The following SMPD2 variants were observed in gnomAD, a reference collection of about 807,000 sequenced individuals.
SMPD2 encodes N-SMase.
Under a neutral mutation model 41.7 loss-of-function variants are expected in SMPD2, and 35 were observed. That is an observed-to-expected ratio of 0.84 (90% confidence interval 0.64 to 1.11). SMPD2 has a LOEUF of 1.11. Among genes scored for constraint, SMPD2 ranks in the 50% most tolerant of loss-of-function variants. The probability of loss-of-function intolerance (pLI) is 0.00; values close to 1 mark genes in which losing one functional copy is unlikely to be tolerated. For synonymous variants in SMPD2, 201 were observed against 208.2 expected, an observed-to-expected ratio of 0.97 and a Z score of 0.30; for missense variants, 520 against 524.8, an observed-to-expected ratio of 0.99 and a Z score of 0.09.
At position 109,441,133 on chromosome 6, in the gene SMPD2, C is replaced by T; in HGVS notation, c.12C>T (p.Asn4=). 1 of 1,614,206 alleles carries T rather than the reference C, an allele frequency of 6.2e-7. No individual in the cohort carries two copies. Among genetic ancestry groups the T allele is most frequent in the Non-Finnish European group, 8.5e-7 (1 of 1,180,012 alleles). The change falls in exon 1 of 10, where the codon AAC becomes AAT. Residue 4 remains asparagine, a synonymous_variant. Transcript: ENST00000258052. MKP[N]FSLRLRIFNL... is the part of the protein sequence containing the mutation. ...GGAGCTCCCCAACCATGAAGCCCAACTTCTCCCTGCGACTGCGGATCTTCA... is the reference window on the plus strand; with the variant it reads ...GGAGCTCCCCAACCATGAAGCCCAATTTCTCCCTGCGACTGCGGATCTTCA...
rs1774992712 is a variant in SMPD2 at position 109,442,797 on chromosome 6, C to T, written c.537C>T (p.Leu179=). ...ACGTGGTTCTGTTGTGTGGAGACCT[C>T]AACATGCACCCAGAAGACCTGGGCT... ...KADVVLLCGD[L]NMHPEDLGCC... Residue 179 remains leucine, a synonymous_variant, in exon 7 of 10, where the codon CTC becomes CTT. Transcript: ENST00000258052. 1 of 1,614,176 alleles carries T rather than the reference C, an allele frequency of 6.2e-7. No individual in the cohort carries two copies. Among genetic ancestry groups the T allele is most frequent in the Non-Finnish European group, 8.5e-7 (1 of 1,180,040 alleles).
In SMPD2 at chr6:109,441,060, G is replaced by C. The variant is rs1774845941; in HGVS notation, c.-62G>C. The C allele has an allele frequency of 1.3e-6, 2 of 1,569,598 alleles. No individual in the cohort carries two copies. The highest frequency in any genetic ancestry group is 1.1e-5 in the South Asian group (1 of 89,992). On this transcript the variant is annotated 5_prime_UTR_variant, in exon 1 of 10. Coordinates refer to ENST00000258052, the MANE Select transcript of SMPD2 (RefSeq NM_003080.3). Reference sequence around the variant, plus strand: ...GGAGAAGGCGCCGCCGGCCGCCCCCGTCCCCACCGCGGCCGTCGCTGGAGA... The same window carrying C: ...GGAGAAGGCGCCGCCGGCCGCCCCCCTCCCCACCGCGGCCGTCGCTGGAGA...
rs1362390972 is a variant in SMPD2, at chr6:109,441,866, A to C, written c.225-108A>C. 3.7e-6 allele frequency: 4 copies of C among 1,087,770 alleles called. No homozygotes were observed. The African/African-American group carries it at 4.7e-5, about 13-fold the overall frequency. The allele number at this position is 1,087,770 out of a possible 1,614,324, so 67.4% of individuals were successfully genotyped here. The stretch of plus-strand genomic sequence containing the variant: ...CCTTGGTTCTAGGGCTAGTCCCAGC[A>C]GTAGAAAAAGAAAAAAATAGCTGAT... On this transcript the variant is annotated intron_variant, in intron 3 of 9. Transcript: ENST00000258052.
chr6:109,442,094 C>A, intron 4 of SMPD2, 27 bp downstream of exon 4: 1 of 1,586,768 alleles, frequency 6.3e-7, no homozygotes, highest in Non-Finnish European at 8.7e-7. Context: ...ACCTCTTCCA[C>A]CTCCCTTCCC....
intron 3 of SMPD2, 118 bp from the exon 4 acceptor site, chr6:109,441,856 T>G (rs1774907608): frequency 9.8e-7 from 1 of 1,023,126 alleles, no homozygotes; most frequent in African/African-American, 1.6e-5. Context: ...GTTCTAGGGC[T>G]AGTCCCAGCA....
Position 109,441,958 on chromosome 6 carries a change from A to T in SMPD2, c.225-16A>T, listed in dbSNP as rs765580671. On this transcript the variant is annotated splice_polypyrimidine_tract_variant and intron_variant, in intron 3 of 9. Transcript: ENST00000258052. ...CTCCCTGTTTTTCTGGTTATTAAGC[A>T]GGGCTTGGCTTTCAGCGGAATCATT... 4.3e-6 allele frequency: 7 copies of T among 1,612,406 alleles called. No homozygotes were observed. The highest frequency in any genetic ancestry group is 5.9e-6 in the Non-Finnish European group (7 of 1,178,376).
chr6:109,441,891 T>G, intron 3 of SMPD2, 83 bp from the exon 4 acceptor site: 1 of 1,281,894 alleles, frequency 7.8e-7, no homozygotes, highest in Admixed American at 1.7e-5. Context: ...AAATAGCTGA[T>G]CAGAGCTGGA....
In SMPD2 at chr6:109,441,381, C is replaced by G. The variant is rs1390160022; in HGVS notation, c.75C>G (p.His25Gln). Residue 25 changes from histidine to glutamine, a missense_variant, in exon 2 of 10, where the codon CAC becomes CAG. Transcript: ENST00000258052. ...GGGGCATTCCGTACTTGAGCAAGCA[C>G]CGGGCCGACCGCATGAGGCGCCTGG... Reference protein sequence around the residue: ...NCWGIPYLSKHRADRMRRLGD... With the variant: ...NCWGIPYLSKQRADRMRRLGD... The G allele has an allele frequency of 5.0e-6, 8 of 1,613,986 alleles. No individual in the cohort carries two copies. Among genetic ancestry groups the G allele is most frequent in the Non-Finnish European group, 5.9e-6 (7 of 1,179,968 alleles).
chr6:109,442,354 G>A, intron 5 of SMPD2, 55 bp downstream of exon 5: 3 of 1,537,124 alleles, frequency 2.0e-6, no homozygotes, highest in Non-Finnish European at 2.7e-6. Context: ...TCCTGGGACA[G>A]AGAGATGGTA....
Position 109,442,788 on chromosome 6 carries a change from T to C in SMPD2, c.528T>C (p.Cys176=), listed in dbSNP as rs1774992077. 1.2e-6 allele frequency: 2 copies of C among 1,613,998 alleles called. No individual in the cohort carries two copies. The highest frequency in any genetic ancestry group is 1.7e-6 in the Non-Finnish European group (2 of 1,180,024). Residue 176 remains cysteine (C), a synonymous_variant, in exon 7 of 10, where the codon TGT becomes TGC. Coordinates refer to ENST00000258052, the MANE Select transcript of SMPD2 (RefSeq NM_003080.3). ...TSKKADVVLL[C]GDLNMHPEDL... Reference sequence around the variant, plus strand: ...AGAAGGCAGACGTGGTTCTGTTGTGTGGAGACCTCAACATGCACCCAGAAG... The same window carrying C: ...AGAAGGCAGACGTGGTTCTGTTGTGCGGAGACCTCAACATGCACCCAGAAG...
At chr6:109,441,234 T>G in intron 1 of SMPD2, 63 bp downstream of exon 1, 1 of 1,595,642 alleles carries the variant, frequency 6.3e-7, no homozygotes, top group Non-Finnish European at 8.6e-7. Context: ...GCAGCCTTCC[T>G]CCCCCTATCC....
rs1775050771 is a variant in SMPD2 at position 109,443,553 on chromosome 6, A to T, written c.920A>T (p.Lys307Met). The change falls in exon 10 of 10, where the codon AAG (lysine) becomes ATG (methionine). Residue 307 changes from lysine (K) to methionine (M), a missense_variant. Coordinates refer to ENST00000258052, the MANE Select transcript of SMPD2 (RefSeq NM_003080.3). The stretch of plus-strand genomic sequence containing the variant: ...AGGTCGCCGTTGATGTGTGTGCTAA[A>T]GGAGGCCTGGACGGAGCTGGGTCTG... ...AERSPLMCVL[K>M]EAWTELGLGM... 1 of 1,613,418 alleles carries T rather than the reference A, an allele frequency of 6.2e-7. No individual in the cohort carries two copies. The highest frequency in any genetic ancestry group is 2.2e-5 in the East Asian group (1 of 44,882).
chr6:109,443,667 C>G lies in SMPD2; in HGVS notation c.1034C>G (p.Ala345Gly), dbSNP rs754891794. 1 of 1,612,704 alleles carries G rather than the reference C, an allele frequency of 6.2e-7. No homozygotes were observed. The highest frequency in any genetic ancestry group is 1.4e-5 in the African/African-American group (1 of 73,858). The part of the protein sequence containing the change: ...LLLLALLCVL[A>G]AGGGAGEAAI... ...CTCCTGGCACTGCTGTGTGTCCTGG[C>G]GGCTGGAGGAGGGGCCGGGGAAGCT... The change falls in exon 10 of 10, where the codon GCG becomes GGG. Residue 345 changes from alanine (A) to glycine (G), a missense_variant. By Grantham distance (60) the Ala-to-Gly change is moderately conservative. Coordinates refer to ENST00000258052, the MANE Select transcript of SMPD2 (RefSeq NM_003080.3).
In SMPD2 at chr6:109,441,391, C is replaced by G. The variant is rs1421199974; in HGVS notation, c.85C>G (p.Arg29Gly). The stretch of plus-strand genomic sequence containing the variant: ...GTACTTGAGCAAGCACCGGGCCGAC[C>G]GCATGAGGCGCCTGGGAGACTTTCT... ...IPYLSKHRAD[R>G]MRRLGDFLNQ... is the part of the protein sequence containing the mutation. Residue 29 changes from arginine to glycine, a missense_variant, in exon 2 of 10, where the codon CGC (arginine) becomes GGC (glycine). Physicochemically the swap from Arg to Gly is moderately radical, Grantham distance 125. Coordinates refer to ENST00000258052, the MANE Select transcript of SMPD2 (RefSeq NM_003080.3). 1.2e-6 allele frequency: 2 copies of G among 1,614,000 alleles called. No homozygotes were observed. Among genetic ancestry groups the G allele is most frequent in the African/African-American group, 1.3e-5 (1 of 74,926 alleles).
chr6:109,441,833 G>A (rs1582624252), intron 3 of SMPD2, 141 bp from the exon 4 acceptor site: 2 of 927,456 alleles, frequency 2.2e-6, no homozygotes, highest in South Asian at 1.4e-5. Flanking sequence ...CTCCTCCAAA[G>A]GCTGTCGCCT....
In SMPD2 at chr6:109,441,713, C is replaced by A. The variant is rs1282624672; in HGVS notation, c.224+85C>A. On this transcript the variant is annotated intron_variant, in intron 3 of 9. Coordinates refer to ENST00000258052, the MANE Select transcript of SMPD2 (RefSeq NM_003080.3). Reference sequence around the variant, plus strand: ...CCCTTCCCTATCCTGCCTGCACTCTCCAGTCTCCTCCAGCCTCCTCTCCCT... The same window carrying A: ...CCCTTCCCTATCCTGCCTGCACTCTACAGTCTCCTCCAGCCTCCTCTCCCT... 7 of 1,209,424 alleles carry A rather than the reference C, an allele frequency of 5.8e-6. No individual in the cohort carries two copies. The African/African-American group carries it at 1.0e-4, about 18-fold the overall frequency. The allele number at this position is 1,209,424 out of a possible 1,614,324, so 74.9% of individuals were successfully genotyped here.
At position 109,443,868 on chromosome 6, in the gene SMPD2, TG is replaced by T. The variant is rs772346125; in HGVS notation, c.1239del (p.Gln414SerfsTer?). The T allele has an allele frequency of 1.2e-6, 2 of 1,612,782 alleles. No individual in the cohort carries two copies. The highest frequency in any genetic ancestry group is 1.7e-6 in the Non-Finnish European group (2 of 1,179,660). ...LGPEPQPALL[L>X]GQQEGDRTKE... is the part of the protein sequence containing the mutation. The stretch of plus-strand genomic sequence containing the variant: ...CCAGAGCCTCAGCCAGCCCTACTCC[TG>T]GGGCAGCAGGAGGGGGACAGAACTA... On this transcript the variant is annotated frameshift_variant, in exon 10 of 10. Coordinates refer to ENST00000258052, the MANE Select transcript of SMPD2 (RefSeq NM_003080.3). LOFTEE classifies it high-confidence loss of function.
In SMPD2 at chr6:109,443,720, G is replaced by C. The variant is rs766220319; in HGVS notation, c.1087G>C (p.Gly363Arg). 1 of 1,613,972 alleles carries C rather than the reference G, an allele frequency of 6.2e-7. No individual in the cohort carries two copies. Among genetic ancestry groups the C allele is most frequent in the African/African-American group, 1.3e-5 (1 of 74,930 alleles). ...AAILLWTPSV[G>R]LVLWAGAFYL... is the part of the protein sequence containing the mutation. ...CATACTGCTCTGGACCCCCAGTGTAGGGCTGGTGCTGTGGGCAGGTGCATT... is the reference window on the plus strand; with the variant it reads ...CATACTGCTCTGGACCCCCAGTGTACGGCTGGTGCTGTGGGCAGGTGCATT... Residue 363 changes from glycine (G) to arginine (R), a missense_variant, in exon 10 of 10, where the codon GGG becomes CGG. Physicochemically the swap from Gly to Arg is moderately radical, Grantham distance 125 (BLOSUM62 -2). Coordinates refer to ENST00000258052, the MANE Select transcript of SMPD2 (RefSeq NM_003080.3).
intron 9 of SMPD2, 23 bp from the exon 10 acceptor site, chr6:109,443,494 C>T (rs774562599): frequency 6.2e-7 from 1 of 1,608,234 alleles, no homozygotes; most frequent in Non-Finnish European, 8.5e-7. Context: ...TCTCTCCTGC[C>T]CCACTGCCCT....
Sources: allele counts gnomAD v4.1 joint callset, GRCh38; gene constraint gnomAD v4.1.1; transcripts MANE v1.5; gene names NCBI Gene and HGNC (gene_info 2026-07-23, HGNC 2026-07-21).